Variants in CKAP5 observed in about 807,000 individuals in gnomAD.
CKAP5 encodes the protein cytoskeleton-associated protein 5.
Under a neutral mutation model 232.8 loss-of-function variants are expected in CKAP5, and 27 were observed. That is an observed-to-expected ratio of 0.12 (90% confidence interval 0.09 to 0.16). The LOEUF is 0.16. Among genes scored for constraint, CKAP5 ranks in the 10% least tolerant of loss-of-function variants. CKAP5 has a pLI of 1.00. For missense variants in CKAP5, 1,838 were observed against 2,424.7 expected (o/e 0.76, Z 5.08); for synonymous variants, 785 against 841.1 (o/e 0.93, Z 1.16).
In CKAP5 at chr11:46,753,351, C is replaced by T; in HGVS notation, c.5016G>A (p.Val1672=). The T allele has an allele frequency of 6.2e-7, 1 of 1,613,422 alleles. No homozygotes were observed. Among genetic ancestry groups the T allele is most frequent in the African/African-American group, 1.3e-5 (1 of 74,966 alleles). Residue 1672 remains valine, a synonymous_variant, in exon 37 of 44, where the codon GTG becomes GTA. Transcript: ENST00000529230. ...QQVIRSVNLL[V]VKVLEKSDQT... Reference sequence around the variant, plus strand: ...GGTCTGACTTCTCCAGAACCTTCACCACCAAGAGGTTCACAGAGCGGATGA... The same window carrying T: ...GGTCTGACTTCTCCAGAACCTTCACTACCAAGAGGTTCACAGAGCGGATGA...
At chr11:46,799,164 T>C (rs1592465969) in intron 9 of CKAP5, among the ~76,000 whole-genome samples, 2 of 145,240 alleles carry the variant, frequency 1.4e-5, no homozygotes. Context: ...ACACCTGCTA[T>C]TTTTTTTTTT....
Position 46,811,062 on chromosome 11 carries a change from T to C in CKAP5, c.575A>G (p.Tyr192Cys). Residue 192 changes from tyrosine (Y) to cysteine (C), a missense_variant, in exon 5 of 44, where the codon TAC becomes TGC. Tyr to Cys is a radical substitution (Grantham distance 194). This residue lies in a region of CKAP5 where 285 missense variants were observed against 300.0 expected (regional missense o/e 0.95). Transcript: ENST00000529230. ...TCTCAGAGCATCCCGAATCCATCTG[T>C]AAATCTCCACAGCAATTAGTTTGGC... Reference protein sequence around the residue: ...DEAKLIAVEIYRWIRDALRPP... With the variant: ...DEAKLIAVEICRWIRDALRPP... 10 of 1,614,136 alleles carry C rather than the reference T, an allele frequency of 6.2e-6. No homozygotes were observed. The highest frequency in any genetic ancestry group is 7.6e-6 in the Non-Finnish European group (9 of 1,180,008).
At position 46,759,187 on chromosome 11, in the gene CKAP5, T is replaced by A. The variant is rs2065136044; in HGVS notation, c.4568+82A>T. 4 of 1,518,808 alleles carry A rather than the reference T, an allele frequency of 2.6e-6. No individual in the cohort carries two copies. The East Asian group carries it at 9.0e-5, about 34-fold the overall frequency. The allele number at this position is 1,518,808 out of a possible 1,614,324, so 94.1% of individuals were successfully genotyped here. A position where few individuals can be genotyped will look rare whatever the true frequency, so the allele number is the denominator to read the frequency against. ...ATAATCAGTTCTAAAAAGTTTTAAC[T>A]GCACATTACAAAGGGCACATTTCAC... On this transcript the variant is annotated intron_variant, in intron 34 of 43. Coordinates refer to ENST00000529230, the MANE Select transcript of CKAP5 (RefSeq NM_001008938.4).
chr11:46,800,655 G>C (rs1449791381), intron 9 of CKAP5, among the ~76,000 whole-genome samples: 2 of 152,120 alleles, frequency 1.3e-5, no homozygotes, highest in Non-Finnish European at 2.9e-5. Flanking sequence ...TCTCCAGTCA[G>C]ATTTTCTTTG....
chr11:46,751,323 G>A, intron 39 of CKAP5, 23 bp downstream of exon 39: 1 of 1,613,932 alleles, frequency 6.2e-7, no homozygotes, highest in Non-Finnish European at 8.5e-7. Context: ...CTCCCTCAGA[G>A]ACCAGTTGCG....
chr11:46,757,329 C>T (rs57513288), intron 35 of CKAP5, among the ~76,000 whole-genome samples: 12 of 151,082 alleles, frequency 7.9e-5, no homozygotes, highest in East Asian at 4.1e-4. Flanking sequence ...CCTGTCTCTA[C>T]TAAAAACACA....
At chr11:46,794,038 T>C (rs905863598) in intron 13 of CKAP5, among the ~76,000 whole-genome samples, 1 of 152,182 alleles carries the variant, frequency 6.6e-6, no homozygotes, top group Non-Finnish European at 1.5e-5. Context: ...CAAATGGTGC[T>C]GGGAAAACTG....
intron 38 of CKAP5, among the ~76,000 whole-genome samples, chr11:46,752,256 A>G (rs2065074839): frequency 6.9e-6 from 1 of 145,398 alleles, no homozygotes; most frequent in Non-Finnish European, 1.5e-5. Context: ...CATATATAAC[A>G]TATTAAGATA....
intron 42 of CKAP5, among the ~76,000 whole-genome samples, chr11:46,749,469 A>AG (rs1214192568): frequency 1.3e-5 from 2 of 151,794 alleles, no homozygotes; most frequent in Non-Finnish European, 2.9e-5. Flanking sequence ...AAAAAAAAAA[A>AG]AAAAAAAAAA....
At chr11:46,839,964 C>G (rs1422022572) in intron 1 of CKAP5, among the ~76,000 whole-genome samples, 4 of 151,972 alleles carry the variant, frequency 2.6e-5, no homozygotes, top group East Asian at 1.9e-4. Context: ...CATGGCAAAA[C>G]CCCATCTCTA....
intron 13 of CKAP5, among the ~76,000 whole-genome samples, chr11:46,793,730 T>C (rs922051295): frequency 2.6e-5 from 4 of 152,082 alleles, no homozygotes; most frequent in Admixed American, 1.3e-4. Flanking sequence ...CGAGACCAGC[T>C]TGGCCAACAC....
At chr11:46,787,151 C>G (rs141774454) in intron 16 of CKAP5, among the ~76,000 whole-genome samples, 6 of 151,942 alleles carry the variant, frequency 3.9e-5, no homozygotes, top group African/African-American at 9.7e-5. Context: ...GAGTGAAGCC[C>G]TTTCTCAAAA....
intron 1 of CKAP5, among the ~76,000 whole-genome samples, chr11:46,840,650 G>A (rs1192384146): frequency 6.6e-6 from 1 of 152,224 alleles, no homozygotes. Flanking sequence ...GGTCCCTGGA[G>A]CGTGGTGTGC....
intron 12 of CKAP5, 138 bp downstream of exon 12, chr11:46,796,674 T>C: frequency 4.5e-6 from 4 of 897,406 alleles, no homozygotes; most frequent in Non-Finnish European, 5.0e-6. Context: ...ATTTCTTTCC[T>C]ACTATAAATG....
chr11:46,845,654 AC>A (rs1940169714), intron 1 of CKAP5, among the ~76,000 whole-genome samples: 1 of 152,158 alleles, frequency 6.6e-6, no homozygotes, highest in African/African-American at 2.4e-5. Context: ...CGCTCCCGAC[AC>A]GTTGAGAGAG....
chr11:46,752,139 A>C (rs1326085121), intron 38 of CKAP5, among the ~76,000 whole-genome samples: 2 of 142,004 alleles, frequency 1.4e-5, no homozygotes, highest in Non-Finnish European at 3.0e-5. Flanking sequence ...AATTGTAGGA[A>C]GGGAAAAACT....
intron 42 of CKAP5, 21 bp from the exon 43 acceptor site, chr11:46,744,598 A>C: frequency 1.2e-6 from 2 of 1,609,862 alleles, no homozygotes; most frequent in South Asian, 1.1e-5. Context: ...AAAAGTAGAA[A>C]GAATATTCAG....
intron 2 of CKAP5, chr11:46,820,608 A>T (rs1273028206): frequency 1.3e-5 from 2 of 152,198 alleles, no homozygotes. Flanking sequence ...TTTGTTTAAA[A>T]TGATTAAAAA....
chr11:46,779,566 G>T (rs530876105), intron 20 of CKAP5, among the ~76,000 whole-genome samples: 14 of 152,156 alleles, frequency 9.2e-5, no homozygotes, highest in Non-Finnish European at 1.8e-4. Context: ...GCTATTCATA[G>T]TTGTGATCCC....
Sources: allele counts gnomAD v4.1 joint callset (sites outside exome capture counted in the v4.1 genomes callset), GRCh38; gene constraint gnomAD v4.1.1; regional missense constraint gnomAD v4.1.1; transcripts MANE v1.5; gene names NCBI Gene and HGNC (gene_info 2026-07-23, HGNC 2026-07-21).